RAPGEF2: variants seen among roughly 807,000 people sequenced by gnomAD.
RAPGEF2 encodes PDZ domain containing guanine nucleotide exchange factor (GEF) 1.
A neutral mutation model predicts 186.7 loss-of-function variants in RAPGEF2; 54 were observed. That is an observed-to-expected ratio of 0.29 (90% CI 0.23 to 0.36). The LOEUF (loss-of-function observed/expected upper bound fraction) is 0.36, where lower values mean the gene tolerates loss of function less well. Ranked by LOEUF, RAPGEF2 falls within the 10% of genes least tolerant of loss-of-function variation. The pLI is 1.00. For missense variants in RAPGEF2, 1,532 were observed against 2,045.0 expected, an observed-to-expected ratio of 0.75 and a Z score of 4.84; for synonymous variants, 712 against 705.9, an observed-to-expected ratio of 1.01 and a Z score of -0.14.
chr4:159,252,082 G>T (rs1310316184), intron 7 of RAPGEF2, among the ~76,000 whole-genome samples: 5 of 152,012 alleles, frequency 3.3e-5, no homozygotes, highest in Non-Finnish European at 7.4e-5. Context: ...TCACCGTGAG[G>T]GTCTGTGGTT....
intron 7 of RAPGEF2, among the ~76,000 whole-genome samples, chr4:159,264,388 T>A (rs1757202842): frequency 6.6e-6 from 1 of 152,178 alleles, no homozygotes; most frequent in South Asian, 2.1e-4. Flanking sequence ...AGTCACACAT[T>A]TTCCAGAGAG....
intron 24 of RAPGEF2, among the ~76,000 whole-genome samples, chr4:159,346,147 C>T (rs1730277609): frequency 6.6e-6 from 1 of 152,126 alleles, no homozygotes; most frequent in African/African-American, 2.4e-5. Flanking sequence ...CCTTAGTTTC[C>T]AGGCGTGTAA....
chr4:159,173,685 T>A (rs558389832), intron 1 of RAPGEF2, among the ~76,000 whole-genome samples: 15 of 152,318 alleles, frequency 9.8e-5, no homozygotes, highest in African/African-American at 3.1e-4. Flanking sequence ...TTGAAGATAG[T>A]TCAGGAATCA....
At chr4:159,151,756 G>A (rs1293972151) in intron 1 of RAPGEF2, among the ~76,000 whole-genome samples, 1 of 152,152 alleles carries the variant, frequency 6.6e-6, no homozygotes, top group Non-Finnish European at 1.5e-5. Context: ...GTGTAAGTGT[G>A]TGTTTGTGTG....
At chr4:159,218,722 C>T (rs1237642236) in intron 4 of RAPGEF2, among the ~76,000 whole-genome samples, 2 of 152,002 alleles carry the variant, frequency 1.3e-5, no homozygotes, top group African/African-American at 2.4e-5. Context: ...CACGCCACTG[C>T]ACTCCAGCCT....
At chr4:159,146,151 A>G (rs1041782688) in intron 1 of RAPGEF2, among the ~76,000 whole-genome samples, 1 of 152,126 alleles carries the variant, frequency 6.6e-6, no homozygotes, top group Non-Finnish European at 1.5e-5. Flanking sequence ...CTATGAGGTC[A>G]TTGTTATATA....
At position 159,322,488 on chromosome 4, in the gene RAPGEF2, G is replaced by A; in HGVS notation, c.990+5G>A. ...GTGTTAAATGATGGTGAAGAGGTGAGTAACTATTCCTACCACTTAAAAAGT... is the reference window on the plus strand; with the variant it reads ...GTGTTAAATGATGGTGAAGAGGTGAATAACTATTCCTACCACTTAAAAAGT... On this transcript the variant is annotated splice_donor_5th_base_variant and intron_variant, in intron 10 of 29. Coordinates refer to ENST00000691494, the MANE Select transcript of RAPGEF2 (RefSeq NM_001394067.2). 1 of 1,611,952 alleles carries A rather than the reference G, an allele frequency of 6.2e-7. No individual in the cohort carries two copies. Among genetic ancestry groups the A allele is most frequent in the Non-Finnish European group, 8.5e-7 (1 of 1,178,562 alleles).
At chr4:159,150,427 A>G (rs750904687) in intron 1 of RAPGEF2, among the ~76,000 whole-genome samples, 7 of 152,186 alleles carry the variant, frequency 4.6e-5, no homozygotes, top group Non-Finnish European at 8.8e-5. Context: ...AAGTGTATCG[A>G]ACACACATAT....
At chr4:159,220,576 G>A (rs544181425) in intron 4 of RAPGEF2, among the ~76,000 whole-genome samples, 1 of 152,314 alleles carries the variant, frequency 6.6e-6, no homozygotes, top group South Asian at 2.1e-4. Flanking sequence ...ACGCTCTACA[G>A]TTACTGATCG....
chr4:159,130,225 T>C (rs748350607), intron 1 of RAPGEF2, among the ~76,000 whole-genome samples: 3 of 152,248 alleles, frequency 2.0e-5, no homozygotes, highest in Admixed American at 6.5e-5. Flanking sequence ...CCTTGTCTTA[T>C]CAGCAGGGTC....
At chr4:159,325,200 A>G (rs990992528) in intron 11 of RAPGEF2, among the ~76,000 whole-genome samples, 12 of 152,166 alleles carry the variant, frequency 7.9e-5, no homozygotes, top group Non-Finnish European at 1.8e-4. Flanking sequence ...AAATAAGGCT[A>G]TGACTTCAGT....
intron 2 of RAPGEF2, among the ~76,000 whole-genome samples, chr4:159,188,418 C>T (rs1341532063): frequency 2.0e-5 from 3 of 152,006 alleles, no homozygotes; most frequent in Non-Finnish European, 4.4e-5. Context: ...AATCCCAGCT[C>T]TTTGGGTGGC....
At position 159,356,123 on chromosome 4, in the gene RAPGEF2, C is replaced by G. The variant is rs1335358134; in HGVS notation, c.4922C>G (p.Pro1641Arg). The G allele has an allele frequency of 6.2e-7, 1 of 1,614,068 alleles. No homozygotes were observed. Among genetic ancestry groups the G allele is most frequent in the Non-Finnish European group, 8.5e-7 (1 of 1,180,038 alleles). The stretch of plus-strand genomic sequence containing the variant: ...AACGAGTCTGACCCGCGCCTCGCCC[C>G]CTATCAGTCCCAAGGGTTTTCCACC... ...KPNESDPRLA[P>R]YQSQGFSTEE... The change falls in exon 29 of 30, where the codon CCC becomes CGC. Residue 1641 changes from proline (P) to arginine (R), a missense_variant. Physicochemically the swap from Pro to Arg is moderately radical, Grantham distance 103. Around this residue, in one of 4 missense-constraint regions of RAPGEF2, gnomAD observed 594 missense variants for 608.5 expected, o/e 0.98. Transcript: ENST00000691494.
chr4:159,163,865 A>C (rs1468649490), intron 1 of RAPGEF2, among the ~76,000 whole-genome samples: 1 of 152,216 alleles, frequency 6.6e-6, no homozygotes, highest in Non-Finnish European at 1.5e-5. Flanking sequence ...TGTCTAGATG[A>C]GTGTGAAGAA....
intron 7 of RAPGEF2, among the ~76,000 whole-genome samples, chr4:159,261,306 C>T (rs998038723): frequency 6.6e-6 from 1 of 152,060 alleles, no homozygotes; most frequent in Non-Finnish European, 1.5e-5. Flanking sequence ...TTGTGATTCG[C>T]CCACCTTGAC....
At chr4:159,164,441 A>C (rs542443617) in intron 1 of RAPGEF2, among the ~76,000 whole-genome samples, 2 of 152,186 alleles carry the variant, frequency 1.3e-5, no homozygotes, top group East Asian at 3.9e-4. Context: ...TGAAAATTCT[A>C]CTGTAGCAGA....
chr4:159,210,453 G>A (rs1266096236), intron 3 of RAPGEF2, 47 bp from the exon 4 acceptor site: 4 of 1,309,014 alleles, frequency 3.1e-6, no homozygotes, highest in Non-Finnish European at 3.2e-6. Context: ...ATTTTTTGTT[G>A]TTGTTGTTAT....
chr4:159,268,192 A>G (rs371714390), intron 7 of RAPGEF2: 2 of 1,608,576 alleles, frequency 1.2e-6, no homozygotes. Flanking sequence ...CCATGGAGTT[A>G]TGGGCCAGCA....
intron 5 of RAPGEF2, among the ~76,000 whole-genome samples, chr4:159,240,331 C>CATTTT (rs1753815474): frequency 1.3e-5 from 1 of 77,608 alleles, no homozygotes; most frequent in African/African-American, 5.4e-5. Context: ...AGCATTTCTA[C>CATTTT]TTTTTTTTTT....
Sources: gnomAD v4.1 joint callset for allele counts (sites outside exome capture counted in the v4.1 genomes callset) on GRCh38, gnomAD v4.1.1 for gene constraint, gnomAD v4.1.1 regional missense constraint, MANE v1.5 for transcripts, NCBI Gene and HGNC (gene_info 2026-07-23, HGNC 2026-07-21) for gene names.